Variants in FAM110B observed in about 807,000 individuals in gnomAD.
The protein encoded by FAM110B is family with sequence similarity 110 member B, also known as protein FAM110B.
A neutral mutation model predicts 20.4 loss-of-function variants in FAM110B; 6 were observed. That is an observed-to-expected ratio of 0.29 (90% confidence interval 0.16 to 0.58). The LOEUF is 0.58. FAM110B is among the 20% of genes least tolerant of loss of function. The pLI, the probability that FAM110B is intolerant of heterozygous loss-of-function variation, is 0.90. For synonymous variants in FAM110B, 226 were observed against 214.1 expected, an observed-to-expected ratio of 1.06 and a Z score of -0.49; for missense variants, 434 against 498.2, an observed-to-expected ratio of 0.87 and a Z score of 1.23.
intron 3 of FAM110B, among the ~76,000 whole-genome samples, chr8:58,106,469 G>T (rs559549614): frequency 7.9e-5 from 12 of 152,298 alleles, no homozygotes; most frequent in Non-Finnish European, 1.6e-4. Context: ...AATGAAAAGT[G>T]GCAGTCAAAT....
At chr8:58,044,974 TA>T (rs1339478874) in intron 2 of FAM110B, among the ~76,000 whole-genome samples, 1 of 152,206 alleles carries the variant, frequency 6.6e-6, no homozygotes, top group Non-Finnish European at 1.5e-5. Flanking sequence ...CTGGCTAAAA[TA>T]AAAAGCTCTC....
chr8:58,006,923 A>ATATATATATATATATATATATATATTT, intron 1 of FAM110B, among the ~76,000 whole-genome samples: 1 of 126,518 alleles, frequency 7.9e-6, no homozygotes, highest in African/African-American at 3.0e-5. Flanking sequence ...ATATATATAT[A>ATATATATATATATATATATATATATTT]TTTTTCCAAA....
intron 2 of FAM110B, among the ~76,000 whole-genome samples, chr8:58,069,076 A>G (rs1446552477): frequency 1.3e-5 from 2 of 152,350 alleles, no homozygotes; most frequent in South Asian, 2.1e-4. Flanking sequence ...AATTTGCCTT[A>G]TAACAGTGAA....
intron 3 of FAM110B, among the ~76,000 whole-genome samples, chr8:58,097,567 C>T (rs779675317): frequency 5.3e-5 from 8 of 152,176 alleles, no homozygotes; most frequent in African/African-American, 1.7e-4. Flanking sequence ...ACTCATCCTC[C>T]GTCCAGTTTT....
chr8:58,072,097 G>C (rs1162466730), intron 2 of FAM110B, among the ~76,000 whole-genome samples: 1 of 152,140 alleles, frequency 6.6e-6, no homozygotes, highest in African/African-American at 2.4e-5. Flanking sequence ...CACTCATTTT[G>C]GGAAGGATAA....
intron 3 of FAM110B, among the ~76,000 whole-genome samples, chr8:58,118,538 GC>G (rs889120248): frequency 2.0e-5 from 3 of 152,176 alleles, no homozygotes; most frequent in Non-Finnish European, 4.4e-5. Context: ...AATTGCAGAT[GC>G]TTACTTCTAA....
intron 1 of FAM110B, among the ~76,000 whole-genome samples, chr8:57,998,144 A>G (rs577479165): frequency 2.4e-4 from 37 of 152,360 alleles, no homozygotes; most frequent in African/African-American, 7.9e-4. Context: ...AAGAGTCTAA[A>G]ATGAGAAAAG....
At position 58,033,822 on chromosome 8, in the gene FAM110B, T is replaced by A. The variant is rs1805019727; in HGVS notation, c.-414+2119T>A. On this transcript the variant is annotated intron_variant, in intron 2 of 3. Transcript: ENST00000519262. The stretch of plus-strand genomic sequence containing the variant: ...ATTAAGCTGTCAGCTGCAAGTCAGT[T>A]GATTGCCACACGTCTTCCTCCTGCT... Among the ~76,000 whole-genome samples, 3 of 152,222 alleles carry A rather than the reference T, an allele frequency of 2.0e-5. No homozygotes were observed. In the South Asian group the frequency reaches 6.2e-4, roughly 32 times the overall value.
At chr8:58,057,653 A>G (rs778322517) in intron 2 of FAM110B, among the ~76,000 whole-genome samples, 13 of 152,078 alleles carry the variant, frequency 8.5e-5, no homozygotes, top group Non-Finnish European at 1.6e-4. Context: ...TCATGGTTCA[A>G]AGGCACCTCT....
intron 3 of FAM110B, among the ~76,000 whole-genome samples, chr8:58,144,773 T>TA (rs1336749693): frequency 2.0e-5 from 3 of 152,240 alleles, no homozygotes; most frequent in African/African-American, 7.2e-5. Context: ...GATGCATTTG[T>TA]AAATGTTCTC....
At chr8:58,087,971 A>G (rs1384722315) in intron 3 of FAM110B, among the ~76,000 whole-genome samples, 2 of 152,216 alleles carry the variant, frequency 1.3e-5, no homozygotes, top group African/African-American at 2.4e-5. Context: ...CAAAAATGTT[A>G]TCTGTTGGGT....
chr8:58,105,731 G>T (rs1432070758), intron 3 of FAM110B, among the ~76,000 whole-genome samples: 2 of 151,552 alleles, frequency 1.3e-5, no homozygotes, highest in African/African-American at 4.8e-5. Context: ...ACCATGCGTG[G>T]CTAATTTTTT....
chr8:58,081,985 C>A (rs902289756), intron 3 of FAM110B, among the ~76,000 whole-genome samples: 3 of 152,076 alleles, frequency 2.0e-5, no homozygotes, highest in African/African-American at 7.2e-5. Flanking sequence ...TTATTTAAAA[C>A]TTTTGCCTTC....
chr8:58,011,807 C>G (rs938519959), intron 1 of FAM110B, among the ~76,000 whole-genome samples: 1 of 152,154 alleles, frequency 6.6e-6, no homozygotes, highest in Non-Finnish European at 1.5e-5. Context: ...ATTTAGGTAG[C>G]CCATCCATGG....
chr8:58,020,214 G>A (rs181466399), intron 1 of FAM110B, among the ~76,000 whole-genome samples: 14 of 151,870 alleles, frequency 9.2e-5, no homozygotes, highest in East Asian at 3.9e-4. Context: ...TGCTGTAAAC[G>A]CCTTAATATA....
In FAM110B at chr8:58,078,441, T is replaced by G. The variant is rs562192017; in HGVS notation, c.-325+2818T>G. ...AATTTCAGGAAATAAGCTTGAAGAC[T>G]TCCTTTGTTTTTTGTTTCTTGTTAT... On this transcript the variant is annotated intron_variant, in intron 3 of 3. Coordinates refer to ENST00000519262, the MANE Select transcript of FAM110B (RefSeq NM_001377989.1). Among the ~76,000 whole-genome samples the G allele has an allele frequency of 4.6e-5, 7 of 152,308 alleles. No individual in the cohort carries two copies. In the South Asian group the frequency reaches 6.2e-4, roughly 14 times the overall value.
chr8:58,084,468 C>T (rs1268460322), intron 3 of FAM110B, among the ~76,000 whole-genome samples: 1 of 151,490 alleles, frequency 6.6e-6, no homozygotes, highest in Admixed American at 6.6e-5. Flanking sequence ...TGGCTCACTG[C>T]AGCCTCCGCC....
At chr8:58,023,021 G>A in intron 1 of FAM110B, among the ~76,000 whole-genome samples, 1 of 151,862 alleles carries the variant, frequency 6.6e-6, no homozygotes, top group Non-Finnish European at 1.5e-5. Context: ...ATTTTTTAAG[G>A]AAAAAAAATT....
intron 3 of FAM110B, among the ~76,000 whole-genome samples, chr8:58,093,018 T>C (rs1202995181): frequency 6.6e-6 from 1 of 152,234 alleles, no homozygotes; most frequent in African/African-American, 2.4e-5. Context: ...CTTTCCTTCA[T>C]ATGTTTTTTG....
Sources: allele counts gnomAD v4.1 joint callset (sites outside exome capture counted in the v4.1 genomes callset), GRCh38; gene constraint gnomAD v4.1.1; transcripts MANE v1.5; gene names NCBI Gene and HGNC (gene_info 2026-07-23, HGNC 2026-07-21).